The following CFTR variants were observed in gnomAD, a reference collection of about 807,000 sequenced individuals.
CFTR encodes the protein CF transmembrane conductance regulator.
Under a neutral mutation model 171.6 loss-of-function variants are expected in CFTR, and 181 were observed. The observed-to-expected ratio is 1.05, with a 90% CI of 0.93 to 1.19. The LOEUF (loss-of-function observed/expected upper bound fraction) is 1.19. Among genes scored for constraint, CFTR ranks in the 50% most tolerant of loss-of-function variants. The pLI is 0.00. For missense variants in CFTR, 1,968 were observed against 1,734.7 expected, an observed-to-expected ratio of 1.13 and a Z score of -2.39; for synonymous variants, 583 against 608.0, an observed-to-expected ratio of 0.96 and a Z score of 0.60.
intron 22 of CFTR, among the ~76,000 whole-genome samples, chr7:117,640,550 G>C (rs759734431): frequency 2.6e-5 from 4 of 152,054 alleles, no homozygotes; most frequent in Admixed American, 6.6e-5. Context: ...CAAAATTCTT[G>C]ATATGACCTT....
At chr7:117,522,727 A>G (rs1361823705) in intron 3 of CFTR, among the ~76,000 whole-genome samples, 1 of 152,166 alleles carries the variant, frequency 6.6e-6, no homozygotes, top group African/African-American at 2.4e-5. Context: ...GCTTTCTTGT[A>G]CCAAGAATAT....
intron 2 of CFTR, among the ~76,000 whole-genome samples, chr7:117,508,159 C>T (rs1165800922): frequency 6.6e-6 from 1 of 152,152 alleles, no homozygotes; most frequent in African/African-American, 2.4e-5. Context: ...AAACGTAAAG[C>T]CTTTGTCTAA....
At chr7:117,616,024 C>T (rs751714653) in intron 21 of CFTR, among the ~76,000 whole-genome samples, 1 of 152,098 alleles carries the variant, frequency 6.6e-6, no homozygotes, top group East Asian at 1.9e-4. Flanking sequence ...GTTCCCAAAC[C>T]ACACACATTT....
chr7:117,573,957 A>G (rs1791732910), intron 11 of CFTR, among the ~76,000 whole-genome samples: 1 of 152,086 alleles, frequency 6.6e-6, no homozygotes, highest in South Asian at 2.1e-4. Context: ...AGAGAAGTAG[A>G]ATTTGTCCCT....
intron 3 of CFTR, among the ~76,000 whole-genome samples, chr7:117,516,847 T>G (rs552357134): frequency 6.6e-6 from 1 of 152,202 alleles, no homozygotes; most frequent in South Asian, 2.1e-4. Flanking sequence ...AATCACAGTT[T>G]TGCCAGCTAC....
In CFTR at chr7:117,558,553, CTAAATAAA is replaced by C. The variant is rs10655920; in HGVS notation, c.1393-882_1393-875del. Among the ~76,000 whole-genome samples, 417 of 145,290 alleles carry C rather than the reference CTAAATAAA, an allele frequency of 2.9e-3. 2 individuals carry two copies. The highest frequency in any genetic ancestry group is 9.9e-3 in the African/African-American group (381 of 38,514). On this transcript the variant is annotated intron_variant, in intron 10 of 26. Transcript: ENST00000003084. The stretch of plus-strand genomic sequence containing the variant: ...TGGGTGACAGAGTGAGACTCTGTCT[CTAAATAAA>C]TAAATAAATAAATAAATAAATAAAT...
At chr7:117,522,921 TA>T (rs1798706534) in intron 3 of CFTR, among the ~76,000 whole-genome samples, 1 of 152,150 alleles carries the variant, frequency 6.6e-6, no homozygotes, top group Non-Finnish European at 1.5e-5. Flanking sequence ...GGGAAAACTA[TA>T]GAAGGGGTGG....
intron 11 of CFTR, among the ~76,000 whole-genome samples, chr7:117,563,201 C>T (rs1234828314): frequency 1.3e-5 from 2 of 152,106 alleles, no homozygotes; most frequent in African/African-American, 2.4e-5. Context: ...TAGTTTTATC[C>T]TCTGCAATAT....
intron 1 of CFTR, among the ~76,000 whole-genome samples, chr7:117,484,713 T>C (rs1277115748): frequency 6.6e-6 from 1 of 151,378 alleles, no homozygotes; most frequent in Non-Finnish European, 1.5e-5. Context: ...TAAAATATCT[T>C]TGTATATGTA....
chr7:117,653,921 A>G (rs1340702662), intron 24 of CFTR, among the ~76,000 whole-genome samples: 1 of 152,214 alleles, frequency 6.6e-6, no homozygotes, highest in Non-Finnish European at 1.5e-5. Context: ...AAAATGGTGA[A>G]ACAGGCACAG....
At position 117,667,798 on chromosome 7, in the gene CFTR, G is replaced by C. The variant is rs1460762011; in HGVS notation, c.*690G>C. On this transcript the variant is annotated 3_prime_UTR_variant, in exon 27 of 27. Transcript: ENST00000003084. ...GTCTACCAAAAATCTCAATATTTCA[G>C]ATAATCACAATACATCCCTTACCTG... is the stretch of plus-strand genomic sequence containing the variant. 3 of 156,512 alleles carry C rather than the reference G, an allele frequency of 1.9e-5. No homozygotes were observed. Among genetic ancestry groups the C allele is most frequent in the Admixed American group, 1.2e-4 (2 of 16,324 alleles). The allele number at this position is 156,512 out of a possible 1,614,324, so 9.7% of individuals were successfully genotyped here.
In CFTR at chr7:117,644,421, A is replaced by G. The variant is rs1464069782; in HGVS notation, c.3873+1828A>G. 2.2e-5 allele frequency among the ~76,000 whole-genome samples: 3 copies of G among 136,034 alleles called. No homozygotes were observed. The South Asian group carries it at 6.4e-4, about 29-fold the overall frequency. 89.2% of individuals were successfully genotyped at this position (136,034 alleles called of 152,430 possible). ...TTATCCTGTCCTAAAGTTTAAAAAG[A>G]AAAAAAAAAGGAAGAAGGAATTAAA... On this transcript the variant is annotated intron_variant, in intron 23 of 26. Coordinates refer to ENST00000003084, the MANE Select transcript of CFTR (RefSeq NM_000492.4).
chr7:117,654,492 AATCTCCATG>A (rs1424236731), intron 24 of CFTR, among the ~76,000 whole-genome samples: 1 of 151,972 alleles, frequency 6.6e-6, no homozygotes, highest in Non-Finnish European at 1.5e-5. Context: ...TAATTTCCAT[AATCTCCATG>A]TGTTGAGGGA....
rs776350132 is a variant in CFTR at position 117,603,547 on chromosome 7, C to T, written c.2673C>T (p.Asp891=). The change falls in exon 17 of 27, where the codon GAC becomes GAT. Residue 891 remains aspartate, a synonymous_variant. Transcript: ENST00000003084. ...LWLLGNTPLQ[D]KGNSTHSRNN... The stretch of plus-strand genomic sequence containing the variant: ...TGCTTTACAGCACTCCTCTTCAAGA[C>T]AAAGGGAATAGTACTCATAGTAGAA... The T allele has an allele frequency of 2.5e-6, 4 of 1,613,874 alleles. No homozygotes were observed. Among genetic ancestry groups the T allele is most frequent in the Non-Finnish European group, 3.4e-6 (4 of 1,179,864 alleles).
intron 4 of CFTR, among the ~76,000 whole-genome samples, chr7:117,533,649 T>G (rs1228687759): frequency 1.3e-5 from 2 of 152,144 alleles, no homozygotes; most frequent in Non-Finnish European, 2.9e-5. Context: ...ACTCTGGTTT[T>G]CCATAATCAT....
chr7:117,484,883 A>G (rs781447640), intron 1 of CFTR, among the ~76,000 whole-genome samples: 29 of 152,132 alleles, frequency 1.9e-4, no homozygotes, highest in Non-Finnish European at 3.4e-4. Flanking sequence ...TATAAGGAAT[A>G]GTGTAGTTTT....
intron 11 of CFTR, chr7:117,586,220 G>A (rs1791930776): frequency 6.6e-6 from 1 of 152,118 alleles, no homozygotes; most frequent in Non-Finnish European, 1.5e-5. Context: ...ACAAAAGCAT[G>A]CTCATTTAGG....
At chr7:117,529,702 T>C (rs1798827594) in intron 3 of CFTR, among the ~76,000 whole-genome samples, 1 of 152,032 alleles carries the variant, frequency 6.6e-6, no homozygotes, top group African/African-American at 2.4e-5. Flanking sequence ...AGCATGGTCA[T>C]CTATTGAGAA....
At chr7:117,607,265 AG>A (rs1255360693) in intron 18 of CFTR, among the ~76,000 whole-genome samples, 3 of 152,072 alleles carry the variant, frequency 2.0e-5, no homozygotes, top group Non-Finnish European at 4.4e-5. Flanking sequence ...AACAAAAGAG[AG>A]GGGAAAGAAA....
Sources: gnomAD v4.1 joint callset for allele counts (sites outside exome capture counted in the v4.1 genomes callset) on GRCh38, gnomAD v4.1.1 for gene constraint, MANE v1.5 for transcripts, NCBI Gene and HGNC (gene_info 2026-07-23, HGNC 2026-07-21) for gene names.